The following TBC1D23 variants were observed in gnomAD, a reference collection of about 807,000 sequenced individuals.
The protein encoded by TBC1D23 is TBC1 domain family member 23.
In TBC1D23, 55 loss-of-function variants were observed where a neutral mutation model predicts 91.4. That is an observed-to-expected ratio of 0.60 (90% CI 0.48 to 0.75). The LOEUF is 0.75. Among genes scored for constraint, TBC1D23 ranks in the 30% least tolerant of loss-of-function variants. TBC1D23 has a pLI of 0.00. For synonymous variants in TBC1D23, 289 were observed against 281.0 expected, an observed-to-expected ratio of 1.03 and a Z score of -0.28; for missense variants, 725 against 836.1, an observed-to-expected ratio of 0.87 and a Z score of 1.64.
At chr3:100,261,446 C>G (rs2067510034) in intron 1 of TBC1D23, 2 of 242,488 alleles carry the variant, frequency 8.2e-6, no homozygotes, top group East Asian at 1.8e-4. Flanking sequence ...ATCTGAGTCA[C>G]TAAAATACAA....
At chr3:100,288,508 C>T (rs2067762984) in intron 4 of TBC1D23, among the ~76,000 whole-genome samples, 1 of 152,096 alleles carries the variant, frequency 6.6e-6, no homozygotes, top group Non-Finnish European at 1.5e-5. Flanking sequence ...TTAGTTGAGC[C>T]TCAGTTTTCC....
At chr3:100,279,505 T>C (rs987688880) in intron 1 of TBC1D23, 144 bp from the exon 2 acceptor site, 1 of 481,912 alleles carries the variant, frequency 2.1e-6, no homozygotes, top group East Asian at 3.1e-5. Flanking sequence ...GAAAACATGC[T>C]GTGTATACCT....
chr3:100,314,737 C>T (rs531820942), intron 15 of TBC1D23, among the ~76,000 whole-genome samples: 1 of 152,310 alleles, frequency 6.6e-6, no homozygotes, highest in East Asian at 1.9e-4. Flanking sequence ...AAGATTGCGC[C>T]ACTGTACTCT....
chr3:100,320,490 A>G (rs1465805244), intron 17 of TBC1D23, among the ~76,000 whole-genome samples: 1 of 152,092 alleles, frequency 6.6e-6, no homozygotes, highest in Non-Finnish European at 1.5e-5. Flanking sequence ...ATTTCAATAA[A>G]AAATATATTA....
At chr3:100,316,782 T>A (rs529989473) in intron 16 of TBC1D23, among the ~76,000 whole-genome samples, 40 of 152,160 alleles carry the variant, frequency 2.6e-4, no homozygotes, top group African/African-American at 8.9e-4. Context: ...TTATCTTCTC[T>A]GTGGTTATGT....
chr3:100,316,240 C>T, intron 16 of TBC1D23, 53 bp downstream of exon 16: 1 of 1,271,698 alleles, frequency 7.9e-7, no homozygotes, highest in South Asian at 1.2e-5. Flanking sequence ...GGAGTGATTA[C>T]AGCAGTCATT....
rs1248787641 is a variant in TBC1D23, at chr3:100,324,489, T to C, written c.*821T>C. On this transcript the variant is annotated 3_prime_UTR_variant, in exon 19 of 19. Transcript: ENST00000394144. ...TTTAAAACAAATGTTTAAGCCACAT[T>C]GATTTATCCTCATTGAGGATTATGG... is the stretch of plus-strand genomic sequence containing the variant. 1.3e-5 allele frequency: 2 copies of C among 152,350 alleles called. No individual in the cohort carries two copies. Among genetic ancestry groups the C allele is most frequent in the East Asian group, 3.9e-4 (2 of 5,192 alleles). 9.4% of individuals were successfully genotyped at this position (152,350 alleles called of 1,614,324 possible).
intron 11 of TBC1D23, among the ~76,000 whole-genome samples, chr3:100,303,906 T>TC (rs1705474622): frequency 6.6e-6 from 1 of 152,308 alleles, no homozygotes; most frequent in African/African-American, 2.4e-5. Flanking sequence ...ATACATTTTT[T>TC]CCCCAACTTT....
chr3:100,292,526 C>G (rs2067800824), intron 5 of TBC1D23, among the ~76,000 whole-genome samples: 1 of 152,174 alleles, frequency 6.6e-6, no homozygotes, highest in South Asian at 2.1e-4. Flanking sequence ...TAACTGGTTT[C>G]ACTTCTGGGC....
chr3:100,321,600 A>G (rs1211755182), intron 18 of TBC1D23, among the ~76,000 whole-genome samples: 1 of 152,296 alleles, frequency 6.6e-6, no homozygotes, highest in East Asian at 1.9e-4. Flanking sequence ...TATACCTTGC[A>G]TCAGTTCAAG....
chr3:100,308,106 A>G (rs943090554), intron 13 of TBC1D23, among the ~76,000 whole-genome samples: 3 of 152,260 alleles, frequency 2.0e-5, no homozygotes, highest in African/African-American at 4.8e-5. Flanking sequence ...AAGAATTTTT[A>G]CAGTTTAATT....
intron 13 of TBC1D23, among the ~76,000 whole-genome samples, chr3:100,308,724 T>A (rs1705563870): frequency 6.6e-6 from 1 of 152,224 alleles, no homozygotes; most frequent in African/African-American, 2.4e-5. Flanking sequence ...TCTAGCATTT[T>A]AAAATGCTAT....
chr3:100,266,475 G>C (rs2067558770), intron 1 of TBC1D23, among the ~76,000 whole-genome samples: 1 of 151,970 alleles, frequency 6.6e-6, no homozygotes, highest in Non-Finnish European at 1.5e-5. Flanking sequence ...CACCATGTTG[G>C]CCAGGCCGGT....
chr3:100,261,548 A>G (rs912566838), intron 1 of TBC1D23: 9 of 154,894 alleles, frequency 5.8e-5, no homozygotes, highest in Middle Eastern at 3.1e-3. Flanking sequence ...CTTAGTTGGT[A>G]TACTTTTTTT....
At position 100,261,072 on chromosome 3, in the gene TBC1D23, G is replaced by C; in HGVS notation, c.53+1G>C. 1 of 1,613,450 alleles carries C rather than the reference G, an allele frequency of 6.2e-7. No individual in the cohort carries two copies. Among genetic ancestry groups the C allele is most frequent in the Non-Finnish European group, 8.5e-7 (1 of 1,179,390 alleles). ...TGCCAACGTCGAGCGGCGACGGCTG[G>C]TGAGTGAAAGCCGGGGCTAATTTCC... is the stretch of plus-strand genomic sequence containing the variant. On this transcript the variant is annotated splice_donor_variant, in intron 1 of 18. Transcript: ENST00000394144. LOFTEE classifies it high-confidence loss of function.
chr3:100,290,503 G>T, intron 4 of TBC1D23, 75 bp from the exon 5 acceptor site: 1 of 1,345,330 alleles, frequency 7.4e-7, no homozygotes, highest in Middle Eastern at 2.2e-4. Flanking sequence ...GGAGGGTATA[G>T]CAGGAAGATT....
chr3:100,276,133 C>T (rs1192147372), intron 1 of TBC1D23, among the ~76,000 whole-genome samples: 1 of 150,202 alleles, frequency 6.7e-6, no homozygotes, highest in Non-Finnish European at 1.5e-5. Flanking sequence ...TTCTTGTTTT[C>T]ATGCCCTGTT....
rs1477714800 is a variant in TBC1D23 at position 100,294,284 on chromosome 3, A to G, written c.601-803A>G. Among the ~76,000 whole-genome samples the G allele has an allele frequency of 2.0e-5, 3 of 150,412 alleles. No homozygotes were observed. The East Asian group carries it at 5.9e-4, about 29-fold the overall frequency. Reference sequence around the variant, plus strand: ...GTGTTTATTTTTTTTTTTTTGAGACAGAGTCTCACTCTGTCACCCAGGCTG... The same window carrying G: ...GTGTTTATTTTTTTTTTTTTGAGACGGAGTCTCACTCTGTCACCCAGGCTG... On this transcript the variant is annotated intron_variant, in intron 5 of 18. Coordinates refer to ENST00000394144, the MANE Select transcript of TBC1D23 (RefSeq NM_001199198.3).
intron 1 of TBC1D23, among the ~76,000 whole-genome samples, chr3:100,267,518 T>A (rs919608999): frequency 2.6e-5 from 4 of 152,186 alleles, no homozygotes; most frequent in Non-Finnish European, 5.9e-5. Context: ...TGTTTGCTTC[T>A]TTTTTATTTT....
Sources: allele counts gnomAD v4.1 joint callset (sites outside exome capture counted in the v4.1 genomes callset), GRCh38; gene constraint gnomAD v4.1.1; transcripts MANE v1.5; gene names NCBI Gene and HGNC (gene_info 2026-07-23, HGNC 2026-07-21).